Variants in CSMD1 observed in about 807,000 individuals in gnomAD.
The protein encoded by CSMD1 is CUB and sushi domain-containing protein 1.
Under a neutral mutation model 417.5 loss-of-function variants are expected in CSMD1, and 213 were observed. The observed-to-expected ratio is 0.51, with a 90% CI of 0.46 to 0.57. The LOEUF (loss-of-function observed/expected upper bound fraction) is 0.57. CSMD1 is among the 20% of genes least tolerant of loss of function. The pLI, the probability that CSMD1 is intolerant of heterozygous loss-of-function variation, is 0.00. For missense variants in CSMD1, 6,923 were observed against 4,529.7 expected, an observed-to-expected ratio of 1.53 and a Z score of -15.17; for synonymous variants, 2,862 against 1,736.8, an observed-to-expected ratio of 1.65 and a Z score of -16.11.
chr8:3,607,235 C>T (rs1046338635), intron 8 of CSMD1, among the ~76,000 whole-genome samples: 1 of 152,152 alleles, frequency 6.6e-6, no homozygotes, highest in Non-Finnish European at 1.5e-5. Flanking sequence ...TCACTGTTTT[C>T]CACCTCCACA....
intron 3 of CSMD1, among the ~76,000 whole-genome samples, chr8:4,132,215 T>C (rs1803152687): frequency 1.7e-5 from 1 of 58,574 alleles, no homozygotes; most frequent in African/African-American, 7.5e-5. Context: ...TTTTTTTTTT[T>C]CACGGGGTAG....
intron 3 of CSMD1, among the ~76,000 whole-genome samples, chr8:4,106,046 G>C (rs142167937): frequency 2.0e-5 from 3 of 152,350 alleles, no homozygotes; most frequent in Admixed American, 1.3e-4. Context: ...AGGTAGGCCA[G>C]ATTTTAGGGG....
chr8:3,327,385 G>A (rs981234057), intron 23 of CSMD1, among the ~76,000 whole-genome samples: 2 of 151,958 alleles, frequency 1.3e-5, no homozygotes, highest in South Asian at 2.1e-4. Context: ...TGCCCACCTC[G>A]GCCTCCCAAA....
At chr8:4,804,156 C>G (rs1425616800) in intron 1 of CSMD1, among the ~76,000 whole-genome samples, 1 of 152,016 alleles carries the variant, frequency 6.6e-6, no homozygotes, top group African/African-American at 2.4e-5. Context: ...ACTAGATGCC[C>G]TTGTATTCTG....
chr8:4,913,371 G>A (rs1461301533), intron 1 of CSMD1, among the ~76,000 whole-genome samples: 1 of 152,142 alleles, frequency 6.6e-6, no homozygotes, highest in Non-Finnish European at 1.5e-5. Flanking sequence ...TCTGGCGGGG[G>A]ACCATTGCTT....
chr8:3,577,805 G>T (rs751411826), intron 9 of CSMD1, among the ~76,000 whole-genome samples: 7 of 152,062 alleles, frequency 4.6e-5, no homozygotes, highest in Admixed American at 4.6e-4. Flanking sequence ...CCCCTATTTG[G>T]CTCGTTATGA....
intron 1 of CSMD1, among the ~76,000 whole-genome samples, chr8:4,955,468 T>A (rs980161197): frequency 6.8e-6 from 1 of 148,046 alleles, no homozygotes; most frequent in Admixed American, 6.7e-5. Context: ...TTTTTTTTTT[T>A]ATTGTGAGAC....
At chr8:4,940,980 T>C (rs185468589) in intron 1 of CSMD1, among the ~76,000 whole-genome samples, 1 of 152,342 alleles carries the variant, frequency 6.6e-6, no homozygotes, top group African/African-American at 2.4e-5. Context: ...AATGTATTTT[T>C]TCTTAAAGTT....
chr8:3,520,044 G>GTATATATATATATATATATA (rs1563116164), intron 10 of CSMD1, among the ~76,000 whole-genome samples: 17 of 137,354 alleles, frequency 1.2e-4, no homozygotes, highest in African/African-American at 5.5e-4. Flanking sequence ...ATATATACAC[G>GTATATATATATATATATATA]TATAGTTGTG....
At chr8:3,616,381 T>C (rs768675353) in intron 8 of CSMD1, among the ~76,000 whole-genome samples, 23 of 152,184 alleles carry the variant, frequency 1.5e-4, no homozygotes, top group Non-Finnish European at 2.8e-4. Context: ...ATGTGTTTGC[T>C]TCCCCTTCTG....
chr8:4,211,622 C>G (rs1003064209), intron 3 of CSMD1, among the ~76,000 whole-genome samples: 1 of 152,270 alleles, frequency 6.6e-6, no homozygotes, highest in East Asian at 1.9e-4. Flanking sequence ...TCCATAAGAA[C>G]AGTAAATATC....
chr8:3,985,423 G>A (rs549357745), intron 5 of CSMD1, among the ~76,000 whole-genome samples: 17 of 151,938 alleles, frequency 1.1e-4, no homozygotes, highest in African/African-American at 3.6e-4. Flanking sequence ...AGTCTTATGT[G>A]CACACACACA....
chr8:3,087,422 T>G, intron 48 of CSMD1, 137 bp from the exon 49 acceptor site: 1 of 873,622 alleles, frequency 1.1e-6, no homozygotes, highest in East Asian at 2.5e-5. Context: ...TGTAAGTTTG[T>G]TCTAAAGAGC....
intron 1 of CSMD1, among the ~76,000 whole-genome samples, chr8:4,658,992 T>A (rs1804417048): frequency 6.6e-6 from 1 of 152,060 alleles, no homozygotes; most frequent in African/African-American, 2.4e-5. Flanking sequence ...AGGCAATAAC[T>A]GAAAACAATA....
intron 10 of CSMD1, among the ~76,000 whole-genome samples, chr8:3,561,016 C>G (rs952250328): frequency 6.6e-6 from 1 of 152,126 alleles, no homozygotes; most frequent in Admixed American, 6.5e-5. Context: ...AATAAAACGG[C>G]AGGCAGTGAA....
intron 2 of CSMD1, among the ~76,000 whole-genome samples, chr8:4,521,217 T>G (rs558856692): frequency 6.6e-6 from 1 of 152,082 alleles, no homozygotes; most frequent in African/African-American, 2.4e-5. Flanking sequence ...AATACTAAAA[T>G]GTAACAAAAA....
At chr8:3,401,527 G>GT (rs1230100763) in intron 15 of CSMD1, among the ~76,000 whole-genome samples, 1 of 152,110 alleles carries the variant, frequency 6.6e-6, no homozygotes, top group Non-Finnish European at 1.5e-5. Context: ...TAAGTAGATT[G>GT]TAAGTAAGTA....
chr8:4,580,926 C>T (rs1167276732), intron 2 of CSMD1, among the ~76,000 whole-genome samples: 1 of 152,158 alleles, frequency 6.6e-6, no homozygotes, highest in African/African-American at 2.4e-5. Context: ...AAGTTCAATG[C>T]ACATTTTTAC....
At chr8:3,946,266 G>C (rs899882203) in intron 5 of CSMD1, among the ~76,000 whole-genome samples, 1 of 152,026 alleles carries the variant, frequency 6.6e-6, no homozygotes, top group Non-Finnish European at 1.5e-5. Flanking sequence ...CCATATTAGA[G>C]AACACAGTAA....
Sources: allele counts gnomAD v4.1 joint callset (sites outside exome capture counted in the v4.1 genomes callset), GRCh38; gene constraint gnomAD v4.1.1; transcripts MANE v1.5; gene names NCBI Gene and HGNC (gene_info 2026-07-23, HGNC 2026-07-21).